The following ANKFN1 variants were observed in gnomAD, a reference collection of about 807,000 sequenced individuals.
ANKFN1 encodes the protein ankyrin repeat and fibronectin type III domain containing 1, also known as ankyrin repeat and fibronectin type-III domain-containing protein 1.
ANKFN1 carries 74 observed loss-of-function variants against 108.7 expected under a neutral mutation model. That is an observed-to-expected ratio of 0.68 (90% confidence interval 0.56 to 0.83). The LOEUF (loss-of-function observed/expected upper bound fraction) is 0.83. Among genes scored for constraint, ANKFN1 ranks in the 40% least tolerant of loss-of-function variants. The pLI is 0.00. For synonymous variants in ANKFN1, 547 were observed against 516.2 expected, an observed-to-expected ratio of 1.06 and a Z score of -0.81; for missense variants, 1,505 against 1,382.3, an observed-to-expected ratio of 1.09 and a Z score of -1.41.
intron 4 of ANKFN1, among the ~76,000 whole-genome samples, chr17:56,129,165 C>T (rs1252625051): frequency 6.6e-6 from 1 of 152,124 alleles, no homozygotes; most frequent in East Asian, 1.9e-4. Flanking sequence ...ACAAAATTAG[C>T]ATCATGTGGC....
chr17:56,106,297 G>A (rs1228401633), intron 4 of ANKFN1, among the ~76,000 whole-genome samples: 1 of 152,174 alleles, frequency 6.6e-6, no homozygotes, highest in Non-Finnish European at 1.5e-5. Context: ...CATGGCCAGT[G>A]ATACCAGCTC....
intron 4 of ANKFN1, among the ~76,000 whole-genome samples, chr17:56,138,477 T>C (rs1045911911): frequency 6.6e-6 from 1 of 151,848 alleles, no homozygotes; most frequent in Admixed American, 6.6e-5. Flanking sequence ...AAATAACAGA[T>C]AGTAGGAAGA....
intron 15 of ANKFN1, among the ~76,000 whole-genome samples, chr17:56,467,830 G>A (rs2050173408): frequency 1.5e-5 from 1 of 68,660 alleles, no homozygotes; most frequent in African/African-American, 8.9e-5. Flanking sequence ...AAGAAAGAAA[G>A]AAAGAAAGAA....
chr17:56,403,624 G>GTA (rs2047829596), intron 8 of ANKFN1, among the ~76,000 whole-genome samples: 1 of 152,140 alleles, frequency 6.6e-6, no homozygotes, highest in Non-Finnish European at 1.5e-5. Context: ...TCTTTTAAGT[G>GTA]GAGCATTTAG....
At position 56,232,884 on chromosome 17, in the gene ANKFN1, T is replaced by C. The variant is rs909906468; in HGVS notation, c.53+4927T>C. On this transcript the variant is annotated intron_variant, in intron 3 of 20. Transcript: ENST00000682825. Reference sequence around the variant, plus strand: ...TTAAAATACATTATACTGCTAATGCTTGGCAATTTTGTAGCATTGTAGAGT... The same window carrying C: ...TTAAAATACATTATACTGCTAATGCCTGGCAATTTTGTAGCATTGTAGAGT... Among the ~76,000 whole-genome samples the C allele has an allele frequency of 3.3e-4, 50 of 152,252 alleles. 1 individual carries two copies. The highest frequency in any genetic ancestry group is 1.2e-3 in the African/African-American group (48 of 41,574).
In ANKFN1 at chr17:56,432,629, G is replaced by A. The variant is rs377358757; in HGVS notation, c.911-7698G>A. 2.4e-4 allele frequency among the ~76,000 whole-genome samples: 37 copies of A among 152,296 alleles called. 1 individual carries two copies. The East Asian group carries it at 5.0e-3, about 21-fold the overall frequency. The stretch of plus-strand genomic sequence containing the variant: ...CAGGCTGTGTCCTTCACGAGTTTCT[G>A]GGCCAGCCCTGGCTTAGACAAGAGC... On this transcript the variant is annotated intron_variant, in intron 8 of 20. Coordinates refer to ENST00000682825, the MANE Select transcript of ANKFN1 (RefSeq NM_001370326.1).
In ANKFN1 at chr17:56,492,253, T is replaced by C; in HGVS notation, c.2327T>C (p.Leu776Pro). The C allele has an allele frequency of 1.4e-6, 1 of 702,648 alleles. No homozygotes were observed. The highest frequency in any genetic ancestry group is 1.5e-5 in the South Asian group (1 of 67,566). The allele number at this position is 702,648 out of a possible 1,614,324, so 43.5% of individuals were successfully genotyped here. ...TGCCGCCTTTCTGCTGTTGTGGAGC[T>C]GGATTCTCTGAACACCCAACAGTCC... Reference protein sequence around the residue: ...LYCRLSAVVELDSLNTQQSLR... With the variant: ...LYCRLSAVVEPDSLNTQQSLR... The change falls in exon 19 of 21, where the codon CTG becomes CCG. Residue 776 changes from leucine (L) to proline (P), a missense_variant. Coordinates refer to ENST00000682825, the MANE Select transcript of ANKFN1 (RefSeq NM_001370326.1).
At chr17:56,226,500 A>G (rs1005811404) in intron 2 of ANKFN1, among the ~76,000 whole-genome samples, 1 of 152,128 alleles carries the variant, frequency 6.6e-6, no homozygotes, top group African/African-American at 2.4e-5. Context: ...TGTTGATTGG[A>G]GATATTGAGT....
upstream of ANKFN1, among the ~76,000 whole-genome samples, chr17:56,149,527 A>G (rs920080531): frequency 6.6e-6 from 1 of 152,210 alleles, no homozygotes; most frequent in African/African-American, 2.4e-5. Flanking sequence ...TTTCCTCCTC[A>G]GGCTTAAACA....
chr17:56,304,980 T>C (rs1366800179), intron 3 of ANKFN1, among the ~76,000 whole-genome samples: 1 of 152,196 alleles, frequency 6.6e-6, no homozygotes, highest in African/African-American at 2.4e-5. Flanking sequence ...AGTCCATCCT[T>C]AGCCTGCTGT....
At chr17:56,406,575 C>G (rs1470733129) in intron 8 of ANKFN1, among the ~76,000 whole-genome samples, 1 of 152,146 alleles carries the variant, frequency 6.6e-6, no homozygotes, top group Non-Finnish European at 1.5e-5. Flanking sequence ...TAAACCCTCT[C>G]TCTTTCAGAT....
chr17:56,466,209 A>G (rs2050067213), intron 14 of ANKFN1, 147 bp from the exon 15 acceptor site: 1 of 673,818 alleles, frequency 1.5e-6, no homozygotes, highest in Admixed American at 2.8e-5. Flanking sequence ...CTATGATGCC[A>G]TATATTCTAG....
chr17:56,182,823 G>C (rs1030574278), intron 1 of ANKFN1, among the ~76,000 whole-genome samples: 1 of 152,156 alleles, frequency 6.6e-6, no homozygotes, highest in African/African-American at 2.4e-5. Flanking sequence ...CAACTCTCTC[G>C]TTAGAGGCCA....
At chr17:56,498,429 G>A (rs1360057818) in intron 19 of ANKFN1, among the ~76,000 whole-genome samples, 1 of 152,016 alleles carries the variant, frequency 6.6e-6, no homozygotes, top group East Asian at 1.9e-4. Flanking sequence ...TATAATCTGG[G>A]ATATAATAAC....
intron 16 of ANKFN1, among the ~76,000 whole-genome samples, chr17:56,479,983 G>A (rs909140669): frequency 3.9e-5 from 6 of 152,210 alleles, no homozygotes; most frequent in Non-Finnish European, 8.8e-5. Context: ...AACCAGATGT[G>A]CTTTCCTCCC....
At chr17:56,492,971 A>AATCCC (rs1235024484) in intron 19 of ANKFN1, among the ~76,000 whole-genome samples, 1 of 152,192 alleles carries the variant, frequency 6.6e-6, no homozygotes, top group Non-Finnish European at 1.5e-5. Flanking sequence ...ATTGCCTCTG[A>AATCCC]ATCCCTTAGC....
At chr17:56,478,143 A>C (rs908137481) in intron 16 of ANKFN1, among the ~76,000 whole-genome samples, 1 of 152,114 alleles carries the variant, frequency 6.6e-6, no homozygotes, top group African/African-American at 2.4e-5. Context: ...TAGTTTTAAC[A>C]TTAGAATAAG....
At chr17:56,235,198 T>C (rs995599309) in intron 3 of ANKFN1, among the ~76,000 whole-genome samples, 3 of 152,118 alleles carry the variant, frequency 2.0e-5, no homozygotes, top group Admixed American at 6.6e-5. Flanking sequence ...TAATGTTTGT[T>C]GTTGTTGTTG....
intron 8 of ANKFN1, among the ~76,000 whole-genome samples, chr17:56,392,495 T>C (rs950301795): frequency 3.3e-5 from 5 of 152,168 alleles, no homozygotes; most frequent in African/African-American, 9.7e-5. Context: ...CACTTCCCAG[T>C]AGGGCAGATT....
Sources: gnomAD v4.1 joint callset for allele counts (sites outside exome capture counted in the v4.1 genomes callset) on GRCh38, gnomAD v4.1.1 for gene constraint, MANE v1.5 for transcripts, NCBI Gene and HGNC (gene_info 2026-07-23, HGNC 2026-07-21) for gene names.